CYP19A1: variants seen among roughly 807,000 people sequenced by gnomAD.
CYP19A1 encodes aromatase.
CYP19A1 carries 32 observed loss-of-function variants against 44.4 expected under a neutral mutation model. The observed-to-expected ratio is 0.72, with a 90% CI of 0.54 to 0.97. The LOEUF (loss-of-function observed/expected upper bound fraction) is 0.97, where lower values mean the gene tolerates loss of function less well. Ranked by LOEUF, CYP19A1 falls within the 50% of genes least tolerant of loss-of-function variation. The pLI, the probability that CYP19A1 is intolerant of heterozygous loss-of-function variation, is 0.00. For missense variants in CYP19A1, 598 were observed against 637.8 expected, an observed-to-expected ratio of 0.94 and a Z score of 0.67; for synonymous variants, 212 against 215.6, an observed-to-expected ratio of 0.98 and a Z score of 0.14.
chr15:51,222,911 G>A (rs191506004), intron 4 of CYP19A1, among the ~76,000 whole-genome samples: 57 of 152,076 alleles, frequency 3.7e-4, no homozygotes, highest in Non-Finnish European at 1.8e-4. Context: ...AAGATGATTT[G>A]GATTTGCCTA....
intron 1 of CYP19A1, among the ~76,000 whole-genome samples, chr15:51,244,861 A>G (rs1413262749): frequency 2.6e-5 from 4 of 152,270 alleles, no homozygotes; most frequent in Non-Finnish European, 5.9e-5. Context: ...ATTCACTGGC[A>G]TAGAAAAGAT....
At chr15:51,237,147 G>C in intron 2 of CYP19A1, 138 bp from the exon 3 acceptor site, 1 of 987,218 alleles carries the variant, frequency 1.0e-6, no homozygotes, top group South Asian at 1.5e-5. Flanking sequence ...CGAATAAAGT[G>C]ATTTGAAACA....
At chr15:51,322,977 A>G (rs1015464765) in intron 1 of CYP19A1, among the ~76,000 whole-genome samples, 14 of 152,234 alleles carry the variant, frequency 9.2e-5, no homozygotes, top group African/African-American at 3.4e-4. Flanking sequence ...TTCAAGCCTC[A>G]ATAATGGCTC....
At chr15:51,289,024 T>A (rs1432633783) in intron 1 of CYP19A1, among the ~76,000 whole-genome samples, 1 of 152,092 alleles carries the variant, frequency 6.6e-6, no homozygotes, top group Non-Finnish European at 1.5e-5. Context: ...GTGCGGGGTG[T>A]GGGGTCGTTC....
chr15:51,210,952 T>C lies in CYP19A1; in HGVS notation c.1368A>G (p.Arg456=). 6.2e-7 allele frequency: 1 copy of C among 1,609,528 alleles called. No homozygotes were observed. Among genetic ancestry groups the C allele is most frequent in the Non-Finnish European group, 8.5e-7 (1 of 1,175,802 alleles). The part of the protein sequence containing the change: ...MMKAILVTLL[R]RFHVKTLQGQ... ...CTTGCAATGTCTTCACGTGGAATCGTCTCAGAAGTGTAACGAGGATGGCTT... is the reference window on the plus strand; with the variant it reads ...CTTGCAATGTCTTCACGTGGAATCGCCTCAGAAGTGTAACGAGGATGGCTT... Residue 456 remains arginine (R), a synonymous_variant, in exon 10 of 10, where the codon AGA becomes AGG. Transcript: ENST00000396402.
intron 1 of CYP19A1, among the ~76,000 whole-genome samples, chr15:51,274,975 C>G (rs193003596): frequency 6.6e-6 from 1 of 152,258 alleles, no homozygotes; most frequent in Non-Finnish European, 1.5e-5. Flanking sequence ...CCAGCCACAC[C>G]TGGGCTCTCC....
chr15:51,251,997 G>T (rs920130015), intron 1 of CYP19A1, among the ~76,000 whole-genome samples: 1 of 152,110 alleles, frequency 6.6e-6, no homozygotes, highest in Non-Finnish European at 1.5e-5. Context: ...CTTACCCTTT[G>T]TCTTAGCTGC....
intron 2 of CYP19A1, among the ~76,000 whole-genome samples, chr15:51,237,529 G>T (rs1454936507): frequency 6.6e-6 from 1 of 152,192 alleles, no homozygotes; most frequent in African/African-American, 2.4e-5. Context: ...TCTACAAGGA[G>T]AATGTCCAAT....
At position 51,285,533 on chromosome 15, in the gene CYP19A1, A is replaced by T. The variant is rs140926524; in HGVS notation, c.-38-42583T>A. Among the ~76,000 whole-genome samples, 836 of 152,316 alleles carry T rather than the reference A, an allele frequency of 5.5e-3. 11 individuals are homozygous for T. The highest frequency in any genetic ancestry group is 0.019 in the African/African-American group (805 of 41,570). On this transcript the variant is annotated intron_variant, in intron 1 of 9. Coordinates refer to ENST00000396402, the MANE Select transcript of CYP19A1 (RefSeq NM_000103.4). ...GGAAAAAAGCTGAGGCAGGGTTTGC[A>T]TGTCTGACATAATGTCCAGGGCTCG...
At chr15:51,325,738 T>C (rs2036597687) in intron 1 of CYP19A1, among the ~76,000 whole-genome samples, 1 of 146,460 alleles carries the variant, frequency 6.8e-6, no homozygotes, top group African/African-American at 2.6e-5. Context: ...CTTGGGAGAC[T>C]GAGGCAAGAG....
chr15:51,289,059 C>G lies in CYP19A1; in HGVS notation c.-38-46109G>C, dbSNP rs1047905493. On this transcript the variant is annotated intron_variant, in intron 1 of 9. Coordinates refer to ENST00000396402, the MANE Select transcript of CYP19A1 (RefSeq NM_000103.4). ...CTCAAATGCGGTCATTGCTACAGAA[C>G]TAGGGTTTTTGGTTAGTTACATTCT... Among the ~76,000 whole-genome samples, 4 of 152,120 alleles carry G rather than the reference C, an allele frequency of 2.6e-5. 1 individual carries two copies. The South Asian group carries it at 8.3e-4, about 32-fold the overall frequency.
intron 8 of CYP19A1, among the ~76,000 whole-genome samples, chr15:51,214,627 C>T (rs2031382658): frequency 6.6e-6 from 1 of 152,212 alleles, no homozygotes; most frequent in Non-Finnish European, 1.5e-5. Flanking sequence ...TCTTTTGTAA[C>T]TGACAAGGTA....
At chr15:51,238,682 C>G (rs954110530) in intron 2 of CYP19A1, among the ~76,000 whole-genome samples, 3 of 152,090 alleles carry the variant, frequency 2.0e-5, no homozygotes, top group Non-Finnish European at 2.9e-5. Flanking sequence ...ATATTTGGGA[C>G]CTGCCATTCA....
At chr15:51,259,565 G>T (rs1362924501) in intron 1 of CYP19A1, among the ~76,000 whole-genome samples, 1 of 152,154 alleles carries the variant, frequency 6.6e-6, no homozygotes, top group African/African-American at 2.4e-5. Flanking sequence ...TCAGGGGAAG[G>T]GAGGGTGAAG....
rs1279185915 is a variant in CYP19A1, at chr15:51,268,037, A to G, written c.-38-25087T>C. 2.0e-5 allele frequency among the ~76,000 whole-genome samples: 3 copies of G among 152,344 alleles called. No individual in the cohort carries two copies. In the East Asian group the frequency reaches 5.8e-4, roughly 29 times the overall value. ...CTAGGTTTCCTCCAGAGCACGTGTC[A>G]AATCTTTTTACTGTAGAGGTGGGGT... On this transcript the variant is annotated intron_variant, in intron 1 of 9. Transcript: ENST00000396402.
At chr15:51,297,405 C>T (rs2036017397) in intron 1 of CYP19A1, among the ~76,000 whole-genome samples, 1 of 152,158 alleles carries the variant, frequency 6.6e-6, no homozygotes, top group South Asian at 2.1e-4. Context: ...AGACAGAGTC[C>T]CATGGAGTAA....
intron 3 of CYP19A1, among the ~76,000 whole-genome samples, chr15:51,230,813 G>A (rs2141088114): frequency 6.6e-6 from 1 of 152,002 alleles, no homozygotes; most frequent in South Asian, 2.1e-4. Flanking sequence ...GTAGAGACAG[G>A]GTTTCACCAT....
intron 1 of CYP19A1, among the ~76,000 whole-genome samples, chr15:51,330,093 G>A (rs1319916864): frequency 1.3e-5 from 2 of 152,182 alleles, no homozygotes; most frequent in African/African-American, 2.4e-5. Context: ...GGAGCAGGGA[G>A]GGAGCAGGCA....
chr15:51,246,492 T>C (rs556373247), intron 1 of CYP19A1, among the ~76,000 whole-genome samples: 1 of 152,266 alleles, frequency 6.6e-6, no homozygotes, highest in South Asian at 2.1e-4. Flanking sequence ...TGGAGCCTAC[T>C]AACAACTTCA....
Sources: gnomAD v4.1 joint callset for allele counts (sites outside exome capture counted in the v4.1 genomes callset) on GRCh38, gnomAD v4.1.1 for gene constraint, MANE v1.5 for transcripts, NCBI Gene and HGNC (gene_info 2026-07-23, HGNC 2026-07-21) for gene names.